Variants in BFSP1 observed in about 807,000 individuals in gnomAD.
BFSP1 encodes the protein beaded filament structural protein 1.
In BFSP1, 38 loss-of-function variants were observed where a neutral mutation model predicts 43.9. The observed-to-expected ratio is 0.87, with a 90% CI of 0.67 to 1.14. The LOEUF (loss-of-function observed/expected upper bound fraction) is 1.14, where lower values mean the gene tolerates loss of function less well. Among genes scored for constraint, BFSP1 ranks in the 50% most tolerant of loss-of-function variants. The pLI is 0.00. For missense variants in BFSP1, 850 were observed against 875.1 expected, an observed-to-expected ratio of 0.97 and a Z score of 0.36; for synonymous variants, 352 against 354.8, an observed-to-expected ratio of 0.99 and a Z score of 0.09.
intron 5 of BFSP1, among the ~76,000 whole-genome samples, chr20:17,503,600 G>A (rs2033857655): frequency 6.6e-6 from 1 of 152,172 alleles, no homozygotes; most frequent in African/African-American, 2.4e-5. Flanking sequence ...CTGGCAAAGT[G>A]GCTTGCCCAT....
chr20:17,518,390 C>T lies in BFSP1; in HGVS notation c.439-3574G>A, dbSNP rs538730314. On this transcript the variant is annotated intron_variant, in intron 2 of 7. Coordinates refer to ENST00000377873, the MANE Select transcript of BFSP1 (RefSeq NM_001195.5). Reference sequence around the variant, plus strand: ...CCATTCTGAGCCCTTAATGATGGGTCCTCACATCCTGCGACCCAGGGACAG... The same window carrying T: ...CCATTCTGAGCCCTTAATGATGGGTTCTCACATCCTGCGACCCAGGGACAG... Among the ~76,000 whole-genome samples, 10 of 152,292 alleles carry T rather than the reference C, an allele frequency of 6.6e-5. No homozygotes were observed. In the South Asian group the frequency reaches 1.9e-3, roughly 28 times the overall value.
intron 5 of BFSP1, 123 bp downstream of exon 5, chr20:17,508,766 G>A (rs770020161): frequency 2.5e-5 from 25 of 980,760 alleles, no homozygotes; most frequent in Non-Finnish European, 3.3e-5. Flanking sequence ...CCCCGTTTCT[G>A]CCAGGAACAT....
chr20:17,556,450 G>C (rs867089878), intron 1 of BFSP1, among the ~76,000 whole-genome samples: 2 of 152,056 alleles, frequency 1.3e-5, no homozygotes, highest in African/African-American at 4.8e-5. Flanking sequence ...GTGAGTTAAT[G>C]ATCACACCAC....
chr20:17,502,790 A>G (rs1297753648), intron 5 of BFSP1, among the ~76,000 whole-genome samples: 1 of 152,176 alleles, frequency 6.6e-6, no homozygotes. Context: ...GTAATAGCAA[A>G]TACAAGTCAG....
At chr20:17,497,459 T>C (rs7347046) in intron 6 of BFSP1, among the ~76,000 whole-genome samples, 9,731 of 144,870 alleles carry the variant, frequency 0.067, 422 homozygotes, top group Non-Finnish European at 0.095. Context: ...TATATATATA[T>C]ACACACACAC....
chr20:17,538,924 C>T (rs913953607), intron 1 of BFSP1, among the ~76,000 whole-genome samples: 1 of 151,976 alleles, frequency 6.6e-6, no homozygotes, highest in South Asian at 2.1e-4. Context: ...ACATCTGAAC[C>T]ACAGCCCGTT....
In BFSP1 at chr20:17,548,216, C is replaced by T. The variant is rs999552580; in HGVS notation, c.2+10472G>A. Among the ~76,000 whole-genome samples the T allele has an allele frequency of 3.3e-4, 43 of 130,106 alleles. 1 individual carries two copies. The South Asian group carries it at 6.4e-3, about 19-fold the overall frequency. 85.4% of individuals were successfully genotyped at this position (130,106 alleles called of 152,430 possible). On this transcript the variant is annotated intron_variant, in intron 1 of 7. Coordinates refer to the BFSP1 transcript ENST00000377868. ...AAAAAAAAAGAAAAACCCTCAAAAA[C>T]GACAGACAAGGCTAGAATCTAATAG...
chr20:17,497,511 CGT>C lies in BFSP1; in HGVS notation c.957-490_957-489del, dbSNP rs1491249401. 2.8e-4 allele frequency among the ~76,000 whole-genome samples: 35 copies of C among 126,324 alleles called. No homozygotes were observed. The East Asian group carries it at 7.9e-3, about 28-fold the overall frequency. 82.9% of individuals were successfully genotyped at this position (126,324 alleles called of 152,430 possible). Reference sequence around the variant, plus strand: ...GTATATATATATACACGTATATATACGTATATATATACACACACGTATGTATA... The same window carrying C: ...GTATATATATATACACGTATATATACATATATATACACACACGTATGTATA... On this transcript the variant is annotated intron_variant, in intron 6 of 7. Coordinates refer to ENST00000377873, the MANE Select transcript of BFSP1 (RefSeq NM_001195.5).
At chr20:17,496,507 G>A (rs376904164) in intron 7 of BFSP1, among the ~76,000 whole-genome samples, 3 of 152,166 alleles carry the variant, frequency 2.0e-5, no homozygotes, top group Admixed American at 2.0e-4. Context: ...TGTTACACGC[G>A]TTGGCACAAA....
intron 5 of BFSP1, among the ~76,000 whole-genome samples, chr20:17,504,855 G>C (rs1297160516): frequency 3.3e-5 from 5 of 151,942 alleles, no homozygotes; most frequent in Admixed American, 2.6e-4. Flanking sequence ...CATCTGGAGG[G>C]GTGAGCTCTC....
intron 1 of BFSP1, among the ~76,000 whole-genome samples, chr20:17,528,987 G>A (rs1390845228): frequency 6.6e-6 from 1 of 152,156 alleles, no homozygotes; most frequent in Non-Finnish European, 1.5e-5. Context: ...TTGAGGTCCA[G>A]GGTAGAGCCT....
Position 17,494,601 on chromosome 20 carries a change from C to T in BFSP1, c.1471G>A (p.Ala491Thr), listed in dbSNP as rs1377002524. 1 of 1,614,214 alleles carries T rather than the reference C, an allele frequency of 6.2e-7. No homozygotes were observed. The highest frequency in any genetic ancestry group is 1.3e-5 in the African/African-American group (1 of 75,060). Residue 491 changes from alanine to threonine, a missense_variant, in exon 8 of 8, where the codon GCT (alanine) becomes ACT (threonine). Coordinates refer to ENST00000377873, the MANE Select transcript of BFSP1 (RefSeq NM_001195.5). ...DPRFYVSSIT[A>T]KGGVAVSVAE... is the part of the protein sequence containing the mutation. ...ACAGAAACAGCCACCCCACCTTTAG[C>T]TGTGATGGAGGAGACATAGAATCTA...
chr20:17,510,510 A>T (rs1288867495), intron 4 of BFSP1, among the ~76,000 whole-genome samples: 3 of 152,200 alleles, frequency 2.0e-5, no homozygotes, highest in Admixed American at 1.3e-4. Context: ...TGAAATGGTA[A>T]CTGGTGGGCA....
chr20:17,543,978 G>A (rs1487877435), intron 1 of BFSP1, among the ~76,000 whole-genome samples: 1 of 152,186 alleles, frequency 6.6e-6, no homozygotes, highest in Non-Finnish European at 1.5e-5. Context: ...ACAAATATCT[G>A]CCTTTATTTT....
At chr20:17,506,415 T>C (rs1306389449) in intron 5 of BFSP1, among the ~76,000 whole-genome samples, 3 of 152,240 alleles carry the variant, frequency 2.0e-5, no homozygotes, top group African/African-American at 4.8e-5. Context: ...CACAGCCGTG[T>C]TTCATCAGCT....
chr20:17,494,677 G>A lies in BFSP1; in HGVS notation c.1395C>T (p.Tyr465=), dbSNP rs1454983270. 6.2e-7 allele frequency: 1 copy of A among 1,614,148 alleles called. No individual in the cohort carries two copies. The highest frequency in any genetic ancestry group is 2.2e-5 in the East Asian group (1 of 44,884). The change falls in exon 8 of 8, where the codon TAC becomes TAT. Residue 465 remains tyrosine (Y), a synonymous_variant. Coordinates refer to ENST00000377873, the MANE Select transcript of BFSP1 (RefSeq NM_001195.5). ...TGACCAGCACGTGCCGCTCTTTGGT[G>A]TAGAGCTCAGTGGGGGTCTCAGGCT... ...PKEPETPTEL[Y]TKERHVLVTG...
At chr20:17,540,940 C>T (rs895322691) in intron 1 of BFSP1, 1 of 152,200 alleles carries the variant, frequency 6.6e-6, no homozygotes, top group African/African-American at 2.4e-5. Context: ...TCGTTAGATA[C>T]TAGGAACGCT....
At chr20:17,553,792 TATAC>T (rs1251420771) in intron 1 of BFSP1, among the ~76,000 whole-genome samples, 2 of 68,558 alleles carry the variant, frequency 2.9e-5, no homozygotes, top group Non-Finnish European at 4.9e-5. Context: ...TATATATATA[TATAC>T]ACACACACAC....
At chr20:17,530,846 G>A in intron 1 of BFSP1, 107 bp downstream of exon 1, 1 of 1,219,942 alleles carries the variant, frequency 8.2e-7, no homozygotes, top group East Asian at 3.2e-5. Flanking sequence ...ATCGACAGGG[G>A]ACCAGAGACG....
Sources: allele counts gnomAD v4.1 joint callset (sites outside exome capture counted in the v4.1 genomes callset), GRCh38; gene constraint gnomAD v4.1.1; transcripts MANE v1.5; gene names NCBI Gene and HGNC (gene_info 2026-07-23, HGNC 2026-07-21).